CASZ1: variants seen among roughly 807,000 people sequenced by gnomAD.
CASZ1 encodes castor zinc finger 1.
CASZ1 carries 28 observed loss-of-function variants against 135.2 expected under a neutral mutation model. The ratio of observed to expected loss-of-function variants is 0.21; its 90% CI spans 0.15 to 0.28. The LOEUF (loss-of-function observed/expected upper bound fraction) is 0.28, where lower values mean the gene tolerates loss of function less well. Ranked by LOEUF, CASZ1 falls within the 10% of genes least tolerant of loss-of-function variation. The pLI, the probability that CASZ1 is intolerant of heterozygous loss-of-function variation, is 1.00. For missense variants in CASZ1, 2,161 were observed against 2,453.3 expected (o/e 0.88, Z 2.52); for synonymous variants, 1,068 against 1,073.4 (o/e 0.99, Z 0.10).
intron 1 of CASZ1, among the ~76,000 whole-genome samples, chr1:10,793,954 C>A (rs952733576): frequency 1.3e-5 from 2 of 152,182 alleles, no homozygotes; most frequent in Admixed American, 6.5e-5. Flanking sequence ...CGGGACGCAC[C>A]GCCTGGTCGC....
chr1:10,738,005 C>T (rs1322485826), intron 2 of CASZ1, among the ~76,000 whole-genome samples: 1 of 152,294 alleles, frequency 6.6e-6, no homozygotes, highest in Non-Finnish European at 1.5e-5. Context: ...CAATGTGCCT[C>T]ATGTTGTCCA....
At chr1:10,654,308 G>C in intron 10 of CASZ1, 90 bp from the exon 11 acceptor site, 1 of 1,576,950 alleles carries the variant, frequency 6.3e-7, no homozygotes, top group Non-Finnish European at 8.6e-7. Context: ...CCCCCGGGTG[G>C]AAAACCCAGG....
chr1:10,642,662 G>A (rs545585166), intron 20 of CASZ1, among the ~76,000 whole-genome samples, 197 bp downstream of exon 20: 1 of 152,230 alleles, frequency 6.6e-6, no homozygotes, highest in Non-Finnish European at 1.5e-5. Context: ...TGACGCAAAG[G>A]GCAGTGCCAG....
intron 1 of CASZ1, among the ~76,000 whole-genome samples, chr1:10,781,262 T>C (rs1286024787): frequency 1.3e-5 from 2 of 152,234 alleles, no homozygotes; most frequent in Non-Finnish European, 2.9e-5. Context: ...CCTTGTGCAA[T>C]GACTCGGAGG....
chr1:10,680,496 T>A (rs1321815103), intron 4 of CASZ1, among the ~76,000 whole-genome samples: 1 of 152,204 alleles, frequency 6.6e-6, no homozygotes, highest in African/African-American at 2.4e-5. Context: ...CACTGCCCCC[T>A]CTGCCCTAGG....
At chr1:10,714,256 C>A (rs910002166) in intron 2 of CASZ1, among the ~76,000 whole-genome samples, 1 of 151,874 alleles carries the variant, frequency 6.6e-6, no homozygotes, top group Non-Finnish European at 1.5e-5. Context: ...TGCAGTGAGC[C>A]GAGATCGTGC....
At position 10,660,470 on chromosome 1, in the gene CASZ1, T is replaced by G; in HGVS notation, c.572A>C (p.Tyr191Ser). 6.2e-7 allele frequency: 1 copy of G among 1,614,118 alleles called. No individual in the cohort carries two copies. Among genetic ancestry groups the G allele is most frequent in the Admixed American group, 1.7e-5 (1 of 60,024 alleles). ...CTCGTCCCGCGTGTTCTGGTCATCA[T>G]AGCCAAACATGCCGAGGAACTCGGT... ...TMTEFLGMFG[Y>S]DDQNTRDELA... The change falls in exon 6 of 21, where the codon TAT becomes TCT. Residue 191 changes from tyrosine (Y) to serine (S), a missense_variant. Tyr to Ser is a moderately radical substitution (Grantham distance 144, BLOSUM62 -2). This residue lies in a region of CASZ1 where 590 missense variants were observed against 609.8 expected (regional missense o/e 0.97). Coordinates refer to ENST00000377022, the MANE Select transcript of CASZ1 (RefSeq NM_001079843.3).
At chr1:10,670,603 C>G (rs1277740016) in intron 4 of CASZ1, among the ~76,000 whole-genome samples, 1 of 152,242 alleles carries the variant, frequency 6.6e-6, no homozygotes, top group Non-Finnish European at 1.5e-5. Context: ...TGTGGGCACA[C>G]AGGCAGCCCT....
intron 11 of CASZ1, chr1:10,651,609 C>G (rs988948327): frequency 1.3e-5 from 2 of 152,442 alleles, no homozygotes; most frequent in Admixed American, 6.5e-5. Context: ...TCAAGCTATC[C>G]GGGGCAGGGA....
At chr1:10,670,774 C>G (rs1231589462) in intron 4 of CASZ1, among the ~76,000 whole-genome samples, 1 of 152,234 alleles carries the variant, frequency 6.6e-6, no homozygotes, top group Non-Finnish European at 1.5e-5. Context: ...CTCCTCCCTC[C>G]TCTACCTCAC....
At chr1:10,768,957 A>G (rs547454000) in intron 1 of CASZ1, among the ~76,000 whole-genome samples, 63 of 152,292 alleles carry the variant, frequency 4.1e-4, no homozygotes, top group South Asian at 3.9e-3. Context: ...CCTGTCCAAC[A>G]TGGTGAAACC....
rs192936767 is a variant in CASZ1 at position 10,729,564 on chromosome 1, T to C, written c.-76-24020A>G. Among the ~76,000 whole-genome samples, 130 of 152,226 alleles carry C rather than the reference T, an allele frequency of 8.5e-4. 2 individuals are homozygous for C. In the East Asian group the frequency reaches 0.012, roughly 14 times the overall value. ...CCAAGTGCCAGAGCCCTGGGGGGCT[T>C]AGGGGAGCAGTTCGCAAAGCGTGGT... On this transcript the variant is annotated intron_variant, in intron 2 of 20. Coordinates refer to ENST00000377022, the MANE Select transcript of CASZ1 (RefSeq NM_001079843.3).
rs539318 is a variant in CASZ1 at position 10,683,570 on chromosome 1, C to T, written c.16+10304G>A. 9.0e-3 allele frequency among the ~76,000 whole-genome samples: 1,378 copies of T among 152,268 alleles called. 20 individuals carry two copies. The highest frequency in any genetic ancestry group is 0.04 in the East Asian group (209 of 5,186). On this transcript the variant is annotated intron_variant, in intron 4 of 20. Transcript: ENST00000377022. ...GTCTCTGCTTACACAGAAACATATCCAGCAAACATGCATCGTGAACCTGTC... is the reference window on the plus strand; with the variant it reads ...GTCTCTGCTTACACAGAAACATATCTAGCAAACATGCATCGTGAACCTGTC...
rs980377371 is a variant in CASZ1, at chr1:10,679,311, C to A, written c.17-13740G>T. Among the ~76,000 whole-genome samples the A allele has an allele frequency of 6.6e-6, 1 of 152,198 alleles. No homozygotes were observed. Among genetic ancestry groups the A allele is most frequent in the Admixed American group, 6.5e-5 (1 of 15,292 alleles). On this transcript the variant is annotated intron_variant, in intron 4 of 20. Transcript: ENST00000377022. This position sits in a 1 kb window ranked among gnomAD's most constrained non-coding sequence, Gnocchi z 4.7. ...AGACAGGTCTCCTGGGCCATCTGCA[C>A]CACATGCCCCAGGAAGCGGTCCCTC... is the stretch of plus-strand genomic sequence containing the variant.
rs201472163 is a variant in CASZ1, at chr1:10,639,868, G to A, written c.4354C>T (p.Leu1452Phe). Residue 1452 changes from leucine to phenylalanine, a missense_variant, in exon 21 of 21, where the codon CTC (leucine) becomes TTC (phenylalanine). This residue lies in a region of CASZ1 where 240 missense variants were observed against 321.4 expected (regional missense o/e 0.75). Transcript: ENST00000377022. This position sits in a 1 kb window ranked among gnomAD's most constrained non-coding sequence, Gnocchi z 4.0. The stretch of plus-strand genomic sequence containing the variant: ...GTGCAGTGGTAGTGGGTGACCTTGA[G>A]CGAGAACTGACAAGCTGCGTCCTTG... Reference protein sequence around the residue: ...DCKDAACQFSLKVTHYHCTRE... With the variant: ...DCKDAACQFSFKVTHYHCTRE... 4.3e-6 allele frequency: 7 copies of A among 1,612,306 alleles called. No homozygotes were observed. The South Asian group carries it at 6.6e-5, about 15-fold the overall frequency.
intron 2 of CASZ1, among the ~76,000 whole-genome samples, chr1:10,742,307 A>G (rs1165655092): frequency 1.3e-5 from 2 of 152,258 alleles, no homozygotes; most frequent in African/African-American, 4.8e-5. Context: ...TCAGGCTGTC[A>G]TCTGGAGACC....
intron 4 of CASZ1, among the ~76,000 whole-genome samples, chr1:10,689,677 AG>A (rs926300367): frequency 2.0e-5 from 3 of 152,186 alleles, no homozygotes; most frequent in African/African-American, 7.2e-5. Context: ...GCTGGTTCAA[AG>A]GGTCACTTCA....
chr1:10,754,432 C>G (rs1406644293), intron 2 of CASZ1, among the ~76,000 whole-genome samples: 2 of 152,134 alleles, frequency 1.3e-5, no homozygotes, highest in Non-Finnish European at 2.9e-5. Flanking sequence ...GGTGACAGGT[C>G]AGGACTTGGA....
chr1:10,712,981 G>A (rs1156477805), intron 2 of CASZ1, among the ~76,000 whole-genome samples: 1 of 152,212 alleles, frequency 6.6e-6, no homozygotes, highest in Non-Finnish European at 1.5e-5. Context: ...GGGAAAGCCT[G>A]GAATAACCAG....
Sources: gnomAD v4.1 joint callset for allele counts (sites outside exome capture counted in the v4.1 genomes callset) on GRCh38, gnomAD v4.1.1 for gene constraint, gnomAD v4.1.1 regional missense constraint, Gnocchi (gnomAD v3.1) non-coding constraint, MANE v1.5 for transcripts, NCBI Gene and HGNC (gene_info 2026-07-23, HGNC 2026-07-21) for gene names.